Variants in DENND6A observed in about 807,000 individuals in gnomAD.
The protein encoded by DENND6A is DENN domain containing 6A.
Under a neutral mutation model 95.5 loss-of-function variants are expected in DENND6A, and 43 were observed. The observed-to-expected ratio is 0.45, with a 90% CI of 0.35 to 0.58. The LOEUF (loss-of-function observed/expected upper bound fraction) is 0.58. DENND6A is among the 20% of genes least tolerant of loss of function. DENND6A has a pLI of 0.00. For synonymous variants in DENND6A, 257 were observed against 260.4 expected (o/e 0.99, Z 0.13); for missense variants, 574 against 736.0 (o/e 0.78, Z 2.55).
In DENND6A at chr3:57,663,618, A is replaced by C. The variant is rs2071472003; in HGVS notation, c.513+18T>G. ...CAAAATAAAAAATACTTTTTTTATT[A>C]GTGTGTATGACAATTACCTTCTGAA... On this transcript the variant is annotated intron_variant, in intron 5 of 19. Coordinates refer to ENST00000311128, the MANE Select transcript of DENND6A (RefSeq NM_152678.3). 2.0e-6 allele frequency: 3 copies of C among 1,521,168 alleles called. No individual in the cohort carries two copies. In the African/African-American group the frequency reaches 4.2e-5, roughly 21 times the overall value. 94.2% of individuals were successfully genotyped at this position (1,521,168 alleles called of 1,614,324 possible).
At chr3:57,646,571 A>G (rs901742798) in intron 9 of DENND6A, 133 bp from the exon 10 acceptor site, 2 of 1,261,868 alleles carry the variant, frequency 1.6e-6, no homozygotes, top group African/African-American at 3.0e-5. Flanking sequence ...CTGATACACA[A>G]ATTCATTTAG....
At position 57,649,530 on chromosome 3, in the gene DENND6A, T is replaced by TAA. The variant is rs11373872; in HGVS notation, c.819-3094_819-3093dup. 3.5e-3 allele frequency among the ~76,000 whole-genome samples: 493 copies of TAA among 139,086 alleles called. 1 individual carries two copies. The highest frequency in any genetic ancestry group is 4.3e-3 in the Non-Finnish European group (280 of 64,626). The allele number at this position is 139,086 out of a possible 152,430, so 91.2% of individuals were successfully genotyped here. A position where few individuals can be genotyped will look rare whatever the true frequency, so the allele number is the denominator to read the frequency against. On this transcript the variant is annotated intron_variant, in intron 9 of 19. Coordinates refer to ENST00000311128, the MANE Select transcript of DENND6A (RefSeq NM_152678.3). ...TATCTACCCAGAGGAAAGGAAGTCATAAAAAAAAAAAAAAGATTCTTGCAC... is the reference window on the plus strand; with the variant it reads ...TATCTACCCAGAGGAAAGGAAGTCATAAAAAAAAAAAAAAAAGATTCTTGCAC...
At chr3:57,691,687 A>C (rs2077266662) in intron 1 of DENND6A, among the ~76,000 whole-genome samples, 1 of 151,512 alleles carries the variant, frequency 6.6e-6, no homozygotes, top group South Asian at 2.1e-4. Flanking sequence ...AAAAAAAAAA[A>C]AAAAAACCAA....
Position 57,660,800 on chromosome 3 carries a change from C to G in DENND6A, c.659G>C (p.Gly220Ala). Residue 220 changes from glycine (G) to alanine (A), a missense_variant, in exon 7 of 20, where the codon GGG (glycine) becomes GCG (alanine). Around this residue, in one of 2 missense-constraint regions of DENND6A, gnomAD observed 452 missense variants for 630.9 expected, o/e 0.72. Coordinates refer to ENST00000311128, the MANE Select transcript of DENND6A (RefSeq NM_152678.3). ...DVDRWPAPVP[G>A]KTLHLPIMGV... is the part of the protein sequence containing the mutation. ...CATGATTGGCAGGTGTAATGTTTTC[C>G]CTGGCACTGGGGCAGGCCATCGATC... The G allele has an allele frequency of 6.2e-7, 1 of 1,609,656 alleles. No homozygotes were observed. The highest frequency in any genetic ancestry group is 8.5e-7 in the Non-Finnish European group (1 of 1,177,910).
rs780395312 is a variant in DENND6A, at chr3:57,646,422, A to T, written c.835T>A (p.Phe279Ile). The T allele has an allele frequency of 6.2e-7, 1 of 1,613,422 alleles. No individual in the cohort carries two copies. Among genetic ancestry groups the T allele is most frequent in the Admixed American group, 1.7e-5 (1 of 59,822 alleles). Residue 279 changes from phenylalanine to isoleucine, a missense_variant, in exon 10 of 20, where the codon TTC becomes ATC. Phe to Ile is a conservative substitution (Grantham distance 21, BLOSUM62 0). Transcript: ENST00000311128. ...VDIFRCFCPV[F>I]LHSQMLWELV... ...TCCCAGAGCATCTGACTATGAAGGA[A>T]AACTGGGCAGAAACACCTGAAAGGT...
intron 9 of DENND6A, 48 bp from the exon 10 acceptor site, chr3:57,646,486 GT>G: frequency 6.5e-7 from 1 of 1,547,498 alleles, no homozygotes; most frequent in Non-Finnish European, 8.7e-7. Context: ...AGCCAATCCT[GT>G]TTTTAAAATT....
rs1188307299 is a variant in DENND6A at position 57,661,557 on chromosome 3, GA to G, written c.514-7del. On this transcript the variant is annotated splice_region_variant and splice_polypyrimidine_tract_variant and intron_variant, in intron 5 of 19. Coordinates refer to ENST00000311128, the MANE Select transcript of DENND6A (RefSeq NM_152678.3). ...TTGCTGATCAAAACCAAGGACTGAGGAAAAAACAAAAACAATGTTTTAAAAA... is the reference window on the plus strand; with the variant it reads ...TTGCTGATCAAAACCAAGGACTGAGGAAAAACAAAAACAATGTTTTAAAAA... 6.4e-7 allele frequency: 1 copy of G among 1,564,370 alleles called. No homozygotes were observed. Among genetic ancestry groups the G allele is most frequent in the Non-Finnish European group, 8.6e-7 (1 of 1,165,366 alleles).
chr3:57,685,297 T>C (rs948478145), intron 1 of DENND6A, among the ~76,000 whole-genome samples: 4 of 150,016 alleles, frequency 2.7e-5, no homozygotes, highest in Non-Finnish European at 5.9e-5. Flanking sequence ...TTAAAAAAAA[T>C]TGTTTATTTA....
chr3:57,670,177 T>C (rs1455772050), intron 3 of DENND6A, among the ~76,000 whole-genome samples: 1 of 152,194 alleles, frequency 6.6e-6, no homozygotes, highest in Non-Finnish European at 1.5e-5. Flanking sequence ...AGCCTTGATG[T>C]ATGCATGCGG....
chr3:57,645,277 A>G (rs1457054695), intron 11 of DENND6A, among the ~76,000 whole-genome samples: 2 of 151,970 alleles, frequency 1.3e-5, no homozygotes, highest in Non-Finnish European at 2.9e-5. Context: ...CCTGATCAAC[A>G]TGGTGAAACC....
intron 5 of DENND6A, 55 bp from the exon 6 acceptor site, chr3:57,661,606 CATAATCAA>C: frequency 7.3e-7 from 1 of 1,362,208 alleles, no homozygotes. Flanking sequence ...TCATTTCTTG[CATAATCAA>C]TTACTAACAA....
At chr3:57,679,915 C>T (rs1473428342) in intron 1 of DENND6A, among the ~76,000 whole-genome samples, 1 of 151,962 alleles carries the variant, frequency 6.6e-6, no homozygotes, top group African/African-American at 2.4e-5. Context: ...GGAGGAAAAG[C>T]GAGATATAGA....
intron 1 of DENND6A, among the ~76,000 whole-genome samples, chr3:57,683,838 G>A (rs965062905): frequency 1.3e-5 from 2 of 152,094 alleles, no homozygotes; most frequent in East Asian, 3.9e-4. Context: ...AAGTGATATG[G>A]GGCAAGTTAC....
Position 57,634,558 on chromosome 3 carries a change from C to A in DENND6A, c.1263G>T (p.Lys421Asn). 7.4e-7 allele frequency: 1 copy of A among 1,351,760 alleles called. No homozygotes were observed. Among genetic ancestry groups the A allele is most frequent in the East Asian group, 2.5e-5 (1 of 39,404 alleles). 83.7% of individuals were successfully genotyped at this position (1,351,760 alleles called of 1,614,324 possible). Residue 421 changes from lysine to asparagine, a missense_variant and splice_region_variant, in exon 14 of 20, where the codon AAG (lysine) becomes AAT (asparagine). Transcript: ENST00000311128. ...ATTAATAATATGAGCAACTAATTAC[C>A]TTCTGTAATTGTTTTATGATCTCTT... is the stretch of plus-strand genomic sequence containing the variant. ...RDEEIIKQLQ[K>N]GVQQKRPSEA...
Position 57,666,232 on chromosome 3 carries a change from C to T in DENND6A, c.323G>A (p.Cys108Tyr). 6.2e-7 allele frequency: 1 copy of T among 1,608,554 alleles called. No homozygotes were observed. Among genetic ancestry groups the T allele is most frequent in the Non-Finnish European group, 8.5e-7 (1 of 1,176,400 alleles). Residue 108 changes from cysteine (C) to tyrosine (Y), a missense_variant, in exon 4 of 20, where the codon TGT becomes TAT. Transcript: ENST00000311128. ...YLSFPDSNSGCLGDTQFCFRF... is the reference protein window; with the variant it reads ...YLSFPDSNSGYLGDTQFCFRF... ...AAAACAAAACTGGGTATCTCCAAGA[C>T]AACCTAATGAAAATAAAAATGAAAT... is the stretch of plus-strand genomic sequence containing the variant.
Position 57,674,699 on chromosome 3 carries a change from A to G in DENND6A, c.238-2261T>C, listed in dbSNP as rs188227232. On this transcript the variant is annotated intron_variant, in intron 1 of 19. Coordinates refer to ENST00000311128, the MANE Select transcript of DENND6A (RefSeq NM_152678.3). The stretch of plus-strand genomic sequence containing the variant: ...CTAGTTCTGCAGCACTATTCACAAT[A>G]GCAAAGCCATTAAATCAAATTAAAT... Among the ~76,000 whole-genome samples, 4 of 152,352 alleles carry G rather than the reference A, an allele frequency of 2.6e-5. No individual in the cohort carries two copies. In the East Asian group the frequency reaches 7.7e-4, roughly 29 times the overall value.
chr3:57,650,258 C>G (rs2071174844), intron 9 of DENND6A, among the ~76,000 whole-genome samples: 1 of 151,422 alleles, frequency 6.6e-6, no homozygotes, highest in South Asian at 2.1e-4. Flanking sequence ...TTCATGCAAC[C>G]AAACACCACC....
intron 1 of DENND6A, among the ~76,000 whole-genome samples, chr3:57,680,844 T>C (rs2361345): frequency 0.024 from 3,661 of 152,148 alleles, 69 homozygotes; most frequent in Non-Finnish European, 0.035. Flanking sequence ...CAAATAAAAT[T>C]ACAATAAGAC....
chr3:57,642,760 T>G (rs1430260950), intron 11 of DENND6A, among the ~76,000 whole-genome samples: 1 of 151,806 alleles, frequency 6.6e-6, no homozygotes, highest in East Asian at 1.9e-4. Flanking sequence ...ATCCCAGCCC[T>G]TTGGGAAGGC....
Sources: allele counts gnomAD v4.1 joint callset (sites outside exome capture counted in the v4.1 genomes callset), GRCh38; gene constraint gnomAD v4.1.1; regional missense constraint gnomAD v4.1.1; transcripts MANE v1.5; gene names NCBI Gene and HGNC (gene_info 2026-07-23, HGNC 2026-07-21).